Variants in BAZ2B observed in about 807,000 individuals in gnomAD.
BAZ2B encodes bromodomain adjacent to zinc finger domain protein 2B.
Under a neutral mutation model 246.0 loss-of-function variants are expected in BAZ2B, and 91 were observed. That is an observed-to-expected ratio of 0.37 (90% confidence interval 0.31 to 0.44). The LOEUF (loss-of-function observed/expected upper bound fraction) is 0.44. Ranked by LOEUF, BAZ2B falls within the 20% of genes least tolerant of loss-of-function variation. The pLI is 1.00. For missense variants in BAZ2B, 2,332 were observed against 2,533.7 expected (o/e 0.92, Z 1.71); for synonymous variants, 855 against 860.0 (o/e 0.99, Z 0.10).
chr2:159,545,551 C>G (rs1217590895), intron 2 of BAZ2B, among the ~76,000 whole-genome samples: 1 of 137,612 alleles, frequency 7.3e-6, no homozygotes. Context: ...TCCAGTTACA[C>G]ACTAAAAGGC....
chr2:159,523,228 T>C (rs977372185), intron 2 of BAZ2B, among the ~76,000 whole-genome samples: 2 of 151,930 alleles, frequency 1.3e-5, no homozygotes, highest in Non-Finnish European at 2.9e-5. Flanking sequence ...TAGTGAGACC[T>C]GGTCTCTACA....
chr2:159,331,573 T>G (rs2064794749), intron 34 of BAZ2B, among the ~76,000 whole-genome samples: 1 of 152,116 alleles, frequency 6.6e-6, no homozygotes, highest in Non-Finnish European at 1.5e-5. Flanking sequence ...GATGGGGTTT[T>G]GCCATGTTGG....
chr2:159,569,720 G>A (rs186003111), intron 1 of BAZ2B, among the ~76,000 whole-genome samples: 121 of 152,130 alleles, frequency 8.0e-4, no homozygotes, highest in African/African-American at 2.7e-3. Flanking sequence ...AGCACCTTAG[G>A]AGGCTGAGGT....
Position 159,467,269 on chromosome 2 carries a change from T to C in BAZ2B, c.145+11306A>G, listed in dbSNP as rs571547553. On this transcript the variant is annotated intron_variant, in intron 3 of 36. Coordinates refer to ENST00000392783, the MANE Select transcript of BAZ2B (RefSeq NM_013450.4). ...TGAAAGTACAAAATATCCAGCTCGATATGGCTAGGTGAAAAAGTTAATCTA... is the reference window on the plus strand; with the variant it reads ...TGAAAGTACAAAATATCCAGCTCGACATGGCTAGGTGAAAAAGTTAATCTA... 2.0e-5 allele frequency among the ~76,000 whole-genome samples: 3 copies of C among 152,276 alleles called. No individual in the cohort carries two copies. The South Asian group carries it at 6.2e-4, about 32-fold the overall frequency.
At chr2:159,410,831 T>G (rs1322965322) in intron 14 of BAZ2B, among the ~76,000 whole-genome samples, 1 of 152,182 alleles carries the variant, frequency 6.6e-6, no homozygotes, top group Non-Finnish European at 1.5e-5. Flanking sequence ...GTGTAATATA[T>G]ATTTATTATA....
chr2:159,665,289 C>A, the BAZ2B span, among the ~76,000 whole-genome samples: 1 of 22,940 alleles, frequency 4.4e-5, no homozygotes, highest in Non-Finnish European at 9.1e-5. Flanking sequence ...AGGTAATTTA[C>A]AGATTCAATG....
chr2:159,685,236 T>C, the BAZ2B span, among the ~76,000 whole-genome samples: 3 of 152,226 alleles, frequency 2.0e-5, no homozygotes, highest in Non-Finnish European at 2.9e-5. Flanking sequence ...GAGGTTGTAG[T>C]GTAATTTTAT....
At chr2:159,696,689 G>T in the BAZ2B span, among the ~76,000 whole-genome samples, 10 of 152,150 alleles carry the variant, frequency 6.6e-5, no homozygotes, top group African/African-American at 2.4e-4. Flanking sequence ...TGGCTGGCTA[G>T]GATTTAGTAT....
At chr2:159,515,051 C>T (rs1479994910) in intron 2 of BAZ2B, among the ~76,000 whole-genome samples, 1 of 151,886 alleles carries the variant, frequency 6.6e-6, no homozygotes, top group Non-Finnish European at 1.5e-5. Flanking sequence ...TTACATTATC[C>T]CATTTTTTAA....
chr2:159,592,499 G>A (rs1206500421), intron 1 of BAZ2B, among the ~76,000 whole-genome samples: 3 of 152,096 alleles, frequency 2.0e-5, no homozygotes, highest in African/African-American at 7.2e-5. Context: ...TTTTCAAGTT[G>A]CTCTATGTTC....
chr2:159,449,568 T>C (rs1203450844), intron 4 of BAZ2B, among the ~76,000 whole-genome samples: 1 of 152,166 alleles, frequency 6.6e-6, no homozygotes, highest in African/African-American at 2.4e-5. Flanking sequence ...AAAAGTGAAA[T>C]TTTCATGGTA....
the BAZ2B span, chr2:159,689,973 G>T: frequency 5.5e-6 from 2 of 365,458 alleles, no homozygotes; most frequent in Non-Finnish European, 1.0e-5. Context: ...ATCATTGTCT[G>T]CCATTTTTTG....
intron 2 of BAZ2B, among the ~76,000 whole-genome samples, chr2:159,518,216 A>G (rs1057177320): frequency 6.6e-6 from 1 of 152,340 alleles, no homozygotes; most frequent in African/African-American, 2.4e-5. Context: ...TAAATTTGAT[A>G]TTTGGTTTCA....
At chr2:159,326,968 C>A (rs1217987371) in intron 34 of BAZ2B, among the ~76,000 whole-genome samples, 2 of 152,082 alleles carry the variant, frequency 1.3e-5, no homozygotes, top group Admixed American at 6.5e-5. Flanking sequence ...TTTTAGAAAA[C>A]TACTATTCCC....
At chr2:159,480,815 C>G (rs1226006391) in intron 2 of BAZ2B, among the ~76,000 whole-genome samples, 1 of 152,016 alleles carries the variant, frequency 6.6e-6, no homozygotes, top group Non-Finnish European at 1.5e-5. Context: ...TTCTTAAAAA[C>G]ATATGCTTAT....
chr2:159,460,005 T>C (rs1230486770), intron 3 of BAZ2B: 1 of 152,110 alleles, frequency 6.6e-6, no homozygotes. Flanking sequence ...ATTATTTTAG[T>C]TTCTATTTTA....
At chr2:159,332,142 T>C (rs571349147) in intron 34 of BAZ2B, among the ~76,000 whole-genome samples, 1 of 152,158 alleles carries the variant, frequency 6.6e-6, no homozygotes, top group Non-Finnish European at 1.5e-5. Flanking sequence ...ATACCTAGAG[T>C]CTGCCTTCAA....
At chr2:159,359,476 C>T (rs954266764) in intron 27 of BAZ2B, among the ~76,000 whole-genome samples, 2 of 152,050 alleles carry the variant, frequency 1.3e-5, no homozygotes, top group African/African-American at 4.8e-5. Context: ...AGCCTACCAG[C>T]CAAAAAAAGC....
chr2:159,357,849 T>C (rs116737201), intron 27 of BAZ2B, among the ~76,000 whole-genome samples: 7,425 of 152,214 alleles, frequency 0.049, 347 homozygotes, highest in African/African-American at 0.12. Context: ...CCCAGAATTT[T>C]GTCTCCAGCC....
Sources: allele counts gnomAD v4.1 joint callset (sites outside exome capture counted in the v4.1 genomes callset), GRCh38; gene constraint gnomAD v4.1.1; transcripts MANE v1.5; gene names NCBI Gene and HGNC (gene_info 2026-07-23, HGNC 2026-07-21).